Variants in TTYH2 observed in about 807,000 individuals in gnomAD.
TTYH2 encodes protein tweety homolog 2.
In TTYH2, 49 loss-of-function variants were observed where a neutral mutation model predicts 68.3. The observed-to-expected ratio is 0.72, with a 90% CI of 0.57 to 0.91. TTYH2 has a LOEUF of 0.91. Among genes scored for constraint, TTYH2 ranks in the 40% least tolerant of loss-of-function variants. TTYH2 has a pLI of 0.00. For synonymous variants in TTYH2, 272 were observed against 300.8 expected (o/e 0.90, Z 0.99); for missense variants, 631 against 700.4 (o/e 0.90, Z 1.12).
rs140929664 is a variant in TTYH2, at chr17:74,251,004, G to A, written c.1116+647G>A. On this transcript the variant is annotated intron_variant, in intron 10 of 13. Transcript: ENST00000269346. The stretch of plus-strand genomic sequence containing the variant: ...AGGAAATTGACTTGCTTGTGCGTGT[G>A]TATGGATAGATCCATAGATACAGCT... Among the ~76,000 whole-genome samples, 1,248 of 152,312 alleles carry A rather than the reference G, an allele frequency of 8.2e-3. 16 individuals carry two copies. Among genetic ancestry groups the A allele is most frequent in the African/African-American group, 0.029 (1,198 of 41,554 alleles).
rs2050395896 is a variant in TTYH2, at chr17:74,232,162, GC to G, written c.414+1167del. On this transcript the variant is annotated intron_variant, in intron 3 of 13. Coordinates refer to ENST00000269346, the MANE Select transcript of TTYH2 (RefSeq NM_032646.6). The surrounding 1 kb of genome is among the most constrained non-coding windows in gnomAD (Gnocchi z 5.1). The stretch of plus-strand genomic sequence containing the variant: ...GCCCCAACAGGAGAATTTGGCCATT[GC>G]CCCGGCATCCTCCAGAAGAGGATTG... Among the ~76,000 whole-genome samples, 1 of 152,198 alleles carries G rather than the reference GC, an allele frequency of 6.6e-6. No individual in the cohort carries two copies. Among genetic ancestry groups the G allele is most frequent in the African/African-American group, 2.4e-5 (1 of 41,440 alleles).
chr17:74,213,694 C>T lies in TTYH2; in HGVS notation c.107C>T (p.Pro36Leu). 1 of 1,612,708 alleles carries T rather than the reference C, an allele frequency of 6.2e-7. No homozygotes were observed. The highest frequency in any genetic ancestry group is 8.5e-7 in the Non-Finnish European group (1 of 1,179,544). The change falls in exon 1 of 14, where the codon CCC (proline) becomes CTC (leucine). Residue 36 changes from proline to leucine, a missense_variant. Coordinates refer to ENST00000269346, the MANE Select transcript of TTYH2 (RefSeq NM_032646.6). The surrounding 1 kb of genome is among the most constrained non-coding windows in gnomAD (Gnocchi z 6.1). ...CAGCCCGTGAACAGCACCTTCAGCC[C>T]CGGCGACGAGAGTTACCAGGAGGTA... ...RLQPVNSTFS[P>L]GDESYQESLL...
chr17:74,256,009 C>T (rs747106947), intron 13 of TTYH2, among the ~76,000 whole-genome samples: 3 of 152,112 alleles, frequency 2.0e-5, no homozygotes, highest in Admixed American at 6.5e-5. Context: ...CCGGTCATGG[C>T]GCTTGGTGAA....
At chr17:74,249,534 G>C (rs1032919247) in intron 8 of TTYH2, 135 bp downstream of exon 8, 1 of 936,654 alleles carries the variant, frequency 1.1e-6, no homozygotes, top group African/African-American at 1.6e-5. Context: ...AGCTGCTTCT[G>C]TGAGGGGGGC....
chr17:74,259,858 T>C (rs1479850956), intron 13 of TTYH2, among the ~76,000 whole-genome samples: 2 of 152,210 alleles, frequency 1.3e-5, no homozygotes, highest in Non-Finnish European at 2.9e-5. Flanking sequence ...CGTGCGCTGG[T>C]GGACCCTGAC....
chr17:74,242,752 T>C (rs1488823224), intron 4 of TTYH2, among the ~76,000 whole-genome samples: 1 of 152,058 alleles, frequency 6.6e-6, no homozygotes, highest in Non-Finnish European at 1.5e-5. Flanking sequence ...TGGGAGGCCT[T>C]GGGGAGCCAG....
rs9892705 is a variant in TTYH2 at position 74,252,343 on chromosome 17, C to T, written c.1226C>T (p.Ala409Val). ...CTCGCCTTCTCCACCATGATCTGTG[C>T]AGGGCCAAGGGCCTGGAAGCACTTC... ...AALAFSTMIC[A>V]GPRAWKHFTT... The change falls in exon 11 of 14, where the codon GCA (alanine) becomes GTA (valine). Residue 409 changes from alanine (A) to valine (V), a missense_variant. Transcript: ENST00000269346. 8.4e-5 allele frequency: 136 copies of T among 1,613,800 alleles called. No homozygotes were observed. The highest frequency in any genetic ancestry group is 1.1e-4 in the Non-Finnish European group (133 of 1,179,994).
rs1454748982 is a variant in TTYH2, at chr17:74,249,042, C to T, written c.836C>T (p.Thr279Ile). 2 of 1,614,210 alleles carry T rather than the reference C, an allele frequency of 1.2e-6. No homozygotes were observed. Among genetic ancestry groups the T allele is most frequent in the Non-Finnish European group, 1.7e-6 (2 of 1,180,032 alleles). Residue 279 changes from threonine to isoleucine, a missense_variant, in exon 7 of 14, where the codon ACC becomes ATC. Coordinates refer to ENST00000269346, the MANE Select transcript of TTYH2 (RefSeq NM_032646.6). ...ATSDFCVAPD[T>I]FILNVTEGQI... ...AGTGACTTCTGTGTGGCTCCTGACA[C>T]CTTCATCCTGAACGTCACGGAGGGC...
chr17:74,253,812 G>A lies in TTYH2; in HGVS notation c.1503G>A (p.Gly501=), dbSNP rs1408213312. ...NPRYENVPLI[G]RASPPPTYSP... is the part of the protein sequence containing the mutation. ...GCTACGAGAACGTGCCACTAATCGG[G>A]AGAGCCTCCCCTCCGCCTACGGTAA... The change falls in exon 13 of 14, where the codon GGG becomes GGA. Residue 501 remains glycine, a synonymous_variant. Transcript: ENST00000269346. 6.2e-7 allele frequency: 1 copy of A among 1,614,214 alleles called. No individual in the cohort carries two copies. The highest frequency in any genetic ancestry group is 2.2e-5 in the East Asian group (1 of 44,884).
intron 5 of TTYH2, 51 bp from the exon 6 acceptor site, chr17:74,243,926 T>A (rs2050527788): frequency 1.3e-6 from 2 of 1,582,434 alleles, no homozygotes; most frequent in South Asian, 2.2e-5. Context: ...GGGTGATGGC[T>A]GAGAGGAAGG....
chr17:74,224,735 C>T (rs2050312825), intron 2 of TTYH2, among the ~76,000 whole-genome samples: 1 of 151,910 alleles, frequency 6.6e-6, no homozygotes, highest in Non-Finnish European at 1.5e-5. Flanking sequence ...CGTGGTGGCT[C>T]ACGCCTATAA....
At chr17:74,235,918 A>G (rs923361585) in intron 3 of TTYH2, among the ~76,000 whole-genome samples, 1 of 151,936 alleles carries the variant, frequency 6.6e-6, no homozygotes, top group Admixed American at 6.6e-5. Context: ...AAAACAAAAA[A>G]GAGAAAGAAA....
At chr17:74,219,239 A>G (rs1346857007) in intron 1 of TTYH2, among the ~76,000 whole-genome samples, 1 of 151,336 alleles carries the variant, frequency 6.6e-6, no homozygotes, top group East Asian at 1.9e-4. Flanking sequence ...GTACAAAAAA[A>G]TTAGCTGGGC....
At chr17:74,234,464 G>A (rs1598220664) in intron 3 of TTYH2, among the ~76,000 whole-genome samples, 1 of 152,214 alleles carries the variant, frequency 6.6e-6, no homozygotes, top group Non-Finnish European at 1.5e-5. Context: ...GTGGGGAGTT[G>A]TAAGTAGGTC....
At chr17:74,259,853 G>A (rs558693657) in intron 13 of TTYH2, among the ~76,000 whole-genome samples, 36 of 152,312 alleles carry the variant, frequency 2.4e-4, no homozygotes, top group Non-Finnish European at 4.7e-4. Flanking sequence ...TCCTCCGTGC[G>A]CTGGTGGACC....
intron 1 of TTYH2, among the ~76,000 whole-genome samples, chr17:74,221,335 G>A (rs144842207): frequency 1.4e-4 from 22 of 152,274 alleles, no homozygotes; most frequent in Admixed American, 5.9e-4. Flanking sequence ...TGCAGAGCCC[G>A]GCCTTGGTTT....
intron 13 of TTYH2, among the ~76,000 whole-genome samples, chr17:74,256,670 G>T (rs1439416216): frequency 1.3e-5 from 2 of 150,242 alleles, no homozygotes; most frequent in Non-Finnish European, 3.0e-5. Flanking sequence ...ATTTTTTTGA[G>T]ACAGAGTATC....
intron 13 of TTYH2, among the ~76,000 whole-genome samples, chr17:74,259,694 C>T (rs1256428885): frequency 6.6e-6 from 1 of 152,124 alleles, no homozygotes; most frequent in Non-Finnish European, 1.5e-5. Flanking sequence ...GCTGGGTGCT[C>T]TTATGTCCAT....
chr17:74,233,504 C>T lies in TTYH2; in HGVS notation c.414+2505C>T, dbSNP rs574668865. Among the ~76,000 whole-genome samples the T allele has an allele frequency of 7.2e-5, 11 of 152,286 alleles. No homozygotes were observed. The South Asian group carries it at 8.3e-4, about 11-fold the overall frequency. ...GTCAGCGGGAGGCTGGGATCCAGGA[C>T]GCTGTGGGCGGCAGAGGCAGATGGG... On this transcript the variant is annotated intron_variant, in intron 3 of 13. Coordinates refer to ENST00000269346, the MANE Select transcript of TTYH2 (RefSeq NM_032646.6).
Sources: allele counts gnomAD v4.1 joint callset (sites outside exome capture counted in the v4.1 genomes callset), GRCh38; gene constraint gnomAD v4.1.1; non-coding constraint Gnocchi (gnomAD v3.1); transcripts MANE v1.5; gene names NCBI Gene and HGNC (gene_info 2026-07-23, HGNC 2026-07-21).